The following ANXA8 variants were observed in gnomAD, a reference collection of about 807,000 sequenced individuals.
ANXA8 encodes annexin A8.
In ANXA8, 9 loss-of-function variants were observed where a neutral mutation model predicts 26.8. The ratio of observed to expected loss-of-function variants is 0.34; its 90% CI spans 0.20 to 0.59. The LOEUF (loss-of-function observed/expected upper bound fraction) is 0.59, where lower values mean the gene tolerates loss of function less well. Ranked by LOEUF, ANXA8 falls within the 20% of genes least tolerant of loss-of-function variation. ANXA8 has a pLI of 0.84. For missense variants in ANXA8, 83 were observed against 238.5 expected, an observed-to-expected ratio of 0.35 and a Z score of 4.29; for synonymous variants, 39 against 94.8, an observed-to-expected ratio of 0.41 and a Z score of 3.42.
At chr10:47,469,980 G>C (rs1289192389) in intron 11 of ANXA8, among the ~76,000 whole-genome samples, 7 of 151,594 alleles carry the variant, frequency 4.6e-5, no homozygotes, top group Non-Finnish European at 1.0e-4. Flanking sequence ...CTGGGCTCAA[G>C]CGATCCTCCC....
At chr10:47,757,942 GTC>G in the ANXA8 span, 1 of 1,595,014 alleles carries the variant, frequency 6.3e-7, no homozygotes, top group Non-Finnish European at 8.5e-7. Context: ...CAGCCTCCAG[GTC>G]TCTCCAGATG....
chr10:47,517,294 AC>A, the ANXA8 span, among the ~76,000 whole-genome samples: 1 of 89,044 alleles, frequency 1.1e-5, no homozygotes, highest in African/African-American at 5.2e-5. Context: ...TTTTTTTGAG[AC>A]AGAGTTTCGC....
chr10:47,570,536 G>A, the ANXA8 span, among the ~76,000 whole-genome samples: 3 of 150,370 alleles, frequency 2.0e-5, no homozygotes, highest in African/African-American at 7.5e-5. Flanking sequence ...ATTTTTGGAG[G>A]TTTTGGAGGC....
the ANXA8 span, among the ~76,000 whole-genome samples, chr10:47,943,550 G>A: frequency 1.3e-5 from 2 of 148,718 alleles, no homozygotes; most frequent in African/African-American, 5.1e-5. Context: ...GGAGGAGCAG[G>A]GATGGTCTGT....
the ANXA8 span, among the ~76,000 whole-genome samples, chr10:47,619,083 A>T: frequency 1.8e-5 from 2 of 113,422 alleles, no homozygotes; most frequent in East Asian, 4.3e-4. Flanking sequence ...TTGCATTCTC[A>T]TCTCTGTTCA....
the ANXA8 span, among the ~76,000 whole-genome samples, chr10:47,668,542 A>G: frequency 6.6e-6 from 1 of 151,762 alleles, no homozygotes; most frequent in South Asian, 2.1e-4. Context: ...TTCTGGGATT[A>G]CAGTGTAGTA....
the ANXA8 span, among the ~76,000 whole-genome samples, chr10:47,594,658 G>A: frequency 1.4e-5 from 2 of 148,124 alleles, no homozygotes; most frequent in East Asian, 3.9e-4. Flanking sequence ...CCAAGCAGAA[G>A]GAAACACTTC....
the ANXA8 span, chr10:47,969,967 T>C: frequency 2.0e-5 from 3 of 151,340 alleles, no homozygotes; most frequent in East Asian, 1.9e-4. Context: ...TTTTCCCTTA[T>C]AGATTTACTT....
At chr10:47,522,007 G>A in the ANXA8 span, among the ~76,000 whole-genome samples, 4 of 150,076 alleles carry the variant, frequency 2.7e-5, no homozygotes, top group African/African-American at 7.5e-5. Context: ...GGCTGGTCTC[G>A]AACTCCTGAC....
At chr10:47,487,696 G>A (rs1360056959), upstream of ANXA8, among the ~76,000 whole-genome samples, 2 of 146,744 alleles carry the variant, frequency 1.4e-5, no homozygotes, top group Non-Finnish European at 3.0e-5. Context: ...TTTATATTGG[G>A]TTGTTATATT....
chr10:47,613,140 T>C, the ANXA8 span, among the ~76,000 whole-genome samples: 1 of 134,834 alleles, frequency 7.4e-6, no homozygotes, highest in Non-Finnish European at 1.7e-5. Flanking sequence ...AAGCAGAGAG[T>C]TTAAACCCAA....
At chr10:47,559,142 CTTTTTTTTTTTTTT>C in the ANXA8 span, among the ~76,000 whole-genome samples, 3 of 73,312 alleles carry the variant, frequency 4.1e-5, no homozygotes, top group East Asian at 7.1e-4. Context: ...TGGAGTCTTA[CTTTTTTTTTTTTTT>C]TTTTTTTTTT....
the ANXA8 span, among the ~76,000 whole-genome samples, chr10:47,718,354 C>T: frequency 5.6e-4 from 72 of 129,380 alleles, no homozygotes; most frequent in East Asian, 0.013. Flanking sequence ...TGCCTGTAGT[C>T]CCAGCTACTC....
chr10:47,525,726 C>A, the ANXA8 span, among the ~76,000 whole-genome samples: 1 of 132,844 alleles, frequency 7.5e-6, no homozygotes, highest in African/African-American at 2.8e-5. Context: ...CAGATTGTGT[C>A]TTGTAGATGT....
the ANXA8 span, among the ~76,000 whole-genome samples, chr10:47,588,368 T>C: frequency 2.9e-5 from 3 of 103,716 alleles, no homozygotes; most frequent in Non-Finnish European, 5.4e-5. Context: ...GCAAAGGCTC[T>C]TCTGAATCTT....
the ANXA8 span, among the ~76,000 whole-genome samples, chr10:47,738,493 CT>C: frequency 6.7e-6 from 1 of 148,954 alleles, no homozygotes; most frequent in Non-Finnish European, 1.5e-5. Flanking sequence ...GAAGAGCATG[CT>C]TTTTCAATTA....
the ANXA8 span, chr10:47,710,098 A>G: frequency 2.3e-6 from 1 of 435,300 alleles, no homozygotes. Context: ...TTTAGAGAAA[A>G]CAAAACTATA....
the ANXA8 span, among the ~76,000 whole-genome samples, chr10:47,969,284 G>T: frequency 6.6e-6 from 1 of 151,466 alleles, no homozygotes; most frequent in African/African-American, 2.4e-5. Flanking sequence ...CTAACGCAGG[G>T]TGTATTGTAC....
chr10:47,567,519 C>T, the ANXA8 span, among the ~76,000 whole-genome samples: 3 of 149,922 alleles, frequency 2.0e-5, no homozygotes, highest in Non-Finnish European at 4.4e-5. Flanking sequence ...CCCAGCCAGC[C>T]GCCTTCTCTG....
Sources: allele counts gnomAD v4.1 joint callset (sites outside exome capture counted in the v4.1 genomes callset), GRCh38; gene constraint gnomAD v4.1.1; transcripts MANE v1.5; gene names NCBI Gene and HGNC (gene_info 2026-07-23, HGNC 2026-07-21).